Variants in C11orf65 observed in about 807,000 individuals in gnomAD.
C11orf65 encodes the protein protein MFI.
Under a neutral mutation model 35.3 loss-of-function variants are expected in C11orf65, and 38 were observed. The ratio of observed to expected loss-of-function variants is 1.08; its 90% CI spans 0.83 to 1.41. The LOEUF is 1.41. Among genes scored for constraint, C11orf65 ranks in the 40% most tolerant of loss-of-function variants. The probability of loss-of-function intolerance (pLI) is 0.00; values close to 1 mark genes in which losing one functional copy is unlikely to be tolerated. For synonymous variants in C11orf65, 105 were observed against 114.4 expected, an observed-to-expected ratio of 0.92 and a Z score of 0.53; for missense variants, 370 against 367.1, an observed-to-expected ratio of 1.01 and a Z score of -0.06.
At chr11:108,332,687 C>G (rs2136553839) in intron 3 of C11orf65, 2 of 1,496,066 alleles carry the variant, frequency 1.3e-6, no homozygotes, top group Non-Finnish European at 1.8e-6. Flanking sequence ...CTGTTTTTCT[C>G]TTTGTTTTTC....
At chr11:108,438,541 A>T (rs1186375419) in intron 2 of C11orf65, among the ~76,000 whole-genome samples, 1 of 147,942 alleles carries the variant, frequency 6.8e-6, no homozygotes, top group African/African-American at 2.6e-5. Context: ...ACAAAGCAAG[A>T]TTTCGTCTGG....
intron 2 of C11orf65, among the ~76,000 whole-genome samples, chr11:108,443,771 C>A (rs1265790634): frequency 6.6e-6 from 1 of 151,934 alleles, no homozygotes; most frequent in Non-Finnish European, 1.5e-5. Flanking sequence ...TTGAAACCAA[C>A]CAGAACAAAG....
At chr11:108,407,997 TTTATTATTATTATTA>T (rs140542318) in intron 3 of C11orf65, among the ~76,000 whole-genome samples, 9 of 139,570 alleles carry the variant, frequency 6.4e-5, no homozygotes, top group Non-Finnish European at 1.1e-4. Context: ...TTAATTTCTT[TTTATTATTATTATTA>T]TTATTATTAT....
At chr11:108,424,818 A>T (rs535530805) in intron 3 of C11orf65, among the ~76,000 whole-genome samples, 13 of 152,368 alleles carry the variant, frequency 8.5e-5, no homozygotes, top group African/African-American at 3.1e-4. Context: ...CTCAGACCAC[A>T]GTGCAATCAA....
At chr11:108,376,954 C>G (rs2091745920) in intron 2 of C11orf65, among the ~76,000 whole-genome samples, 1 of 151,964 alleles carries the variant, frequency 6.6e-6, no homozygotes, top group Non-Finnish European at 1.5e-5. Flanking sequence ...TCTGAATAGA[C>G]CAATAACAGG....
chr11:108,367,819 A>AACTT (rs1291194629), intron 2 of C11orf65: 1 of 210,542 alleles, frequency 4.7e-6, no homozygotes, highest in East Asian at 7.3e-5. Flanking sequence ...TCAAATTACA[A>AACTT]ACTTACCTTG....
Position 108,441,222 on chromosome 11 carries a change from A to G in C11orf65, c.82-9384T>C, listed in dbSNP as rs183446669. Among the ~76,000 whole-genome samples, 890 of 152,326 alleles carry G rather than the reference A, an allele frequency of 5.8e-3. 9 individuals are homozygous for G. The highest frequency in any genetic ancestry group is 0.017 in the African/African-American group (724 of 41,586). The stretch of plus-strand genomic sequence containing the variant: ...CCACACCCACGGAACCTTGCTCACT[A>G]CTAACACAGCAGTCTGAGATTGAAC... On this transcript the variant is annotated intron_variant, in intron 2 of 8. Coordinates refer to ENST00000393084, the MANE Select transcript of C11orf65 (RefSeq NM_152587.5).
At chr11:108,435,067 C>T (rs1321151813) in intron 2 of C11orf65, among the ~76,000 whole-genome samples, 1 of 152,200 alleles carries the variant, frequency 6.6e-6, no homozygotes, top group Non-Finnish European at 1.5e-5. Flanking sequence ...GAATATCGTG[C>T]TATTTCTCAC....
rs1060501680 is a variant in C11orf65, at chr11:108,335,042, G to T, written c.299+178C>A. ...AAAGCAGAATTTCGCTTAGCAGGAG[G>T]TGTAAATTTACCAAAAATAATAGAT... is the stretch of plus-strand genomic sequence containing the variant. On this transcript the variant is annotated intron_variant, in intron 3 of 3. Transcript: ENST00000524755. The T allele has an allele frequency of 6.2e-7, 1 of 1,614,090 alleles. No homozygotes were observed. The highest frequency in any genetic ancestry group is 1.1e-5 in the South Asian group (1 of 91,082).
intron 2 of C11orf65, among the ~76,000 whole-genome samples, chr11:108,432,473 A>T (rs1565688390): frequency 6.6e-6 from 1 of 152,202 alleles, no homozygotes; most frequent in Non-Finnish European, 1.5e-5. Context: ...ACTAATATTT[A>T]TTGAGTGTTC....
intron 6 of C11orf65, among the ~76,000 whole-genome samples, chr11:108,400,420 G>A (rs1398524516): frequency 6.6e-6 from 1 of 152,190 alleles, no homozygotes; most frequent in Non-Finnish European, 1.5e-5. Context: ...GGTCATCAAT[G>A]TAATGGACAG....
At chr11:108,329,374 T>G (rs934810938), downstream of C11orf65, 3 of 804,984 alleles carry the variant, frequency 3.7e-6, no homozygotes, top group Non-Finnish European at 5.9e-6. Context: ...ATATATAGAT[T>G]ATCTTGGTCT....
At chr11:108,326,266 T>C (rs2085677263) in intron 6 of C11orf65, 8 of 1,609,820 alleles carry the variant, frequency 5.0e-6, no homozygotes, top group South Asian at 2.2e-5. Flanking sequence ...TTTACTGTTA[T>C]TTAAAAAAAC....
chr11:108,469,755 C>T (rs1042244909), upstream of C11orf65, among the ~76,000 whole-genome samples: 14 of 151,930 alleles, frequency 9.2e-5, no homozygotes, highest in African/African-American at 2.9e-4. Flanking sequence ...AAAGTAGCCA[C>T]AAGGGATCAT....
intron 6 of C11orf65, among the ~76,000 whole-genome samples, chr11:108,395,329 A>ATT (rs761424830): frequency 9.2e-5 from 13 of 140,920 alleles, no homozygotes; most frequent in Admixed American, 3.6e-4. Flanking sequence ...TGTCTCTACA[A>ATT]TTTTTTTTTT....
rs2092551547 is a variant in C11orf65, at chr11:108,406,914, ATAGGTC to A, written c.272_277del (p.Arg91_Pro92del). On this transcript the variant is annotated inframe_deletion, in exon 5 of 9. Coordinates refer to ENST00000393084, the MANE Select transcript of C11orf65 (RefSeq NM_152587.5). ...AGGGCTGTTAGCACAGAGATCTTCA[ATAGGTC>A]TGTGAGTAAAAATCTTATAGTATAT... 1.9e-6 allele frequency: 3 copies of A among 1,612,768 alleles called. No homozygotes were observed. The Admixed American group carries it at 5.0e-5, about 27-fold the overall frequency.
chr11:108,309,130 G>A (rs1204339307), intron 6 of C11orf65: 1 of 954,252 alleles, frequency 1.0e-6, no homozygotes, highest in African/African-American at 1.6e-5. Context: ...TCAAGTCCAA[G>A]CTTGTGCTGT....
intron 2 of C11orf65, chr11:108,340,022 T>C (rs531104335): frequency 2.6e-5 from 4 of 152,348 alleles, no homozygotes; most frequent in South Asian, 2.1e-4. Context: ...TAGTAAAACA[T>C]TGCCCTAGTC....
chr11:108,383,708 C>A (rs1014032372), intron 8 of C11orf65, among the ~76,000 whole-genome samples: 1 of 152,178 alleles, frequency 6.6e-6, no homozygotes, highest in Non-Finnish European at 1.5e-5. Flanking sequence ...TCCTCTTCTC[C>A]AATGCCAACA....
Sources: gnomAD v4.1 joint callset for allele counts (sites outside exome capture counted in the v4.1 genomes callset) on GRCh38, gnomAD v4.1.1 for gene constraint, MANE v1.5 for transcripts, NCBI Gene and HGNC (gene_info 2026-07-23, HGNC 2026-07-21) for gene names.